OTUD7A: variants seen among roughly 807,000 people sequenced by gnomAD.
OTUD7A encodes the protein OTU deubiquitinase 7A.
Under a neutral mutation model 65.7 loss-of-function variants are expected in OTUD7A, and 12 were observed. The observed-to-expected ratio is 0.18, with a 90% CI of 0.12 to 0.30. The LOEUF is 0.30. Among genes scored for constraint, OTUD7A ranks in the 10% least tolerant of loss-of-function variants. OTUD7A has a pLI of 1.00. For synonymous variants in OTUD7A, 641 were observed against 586.3 expected, an observed-to-expected ratio of 1.09 and a Z score of -1.35; for missense variants, 1,148 against 1,304.8, an observed-to-expected ratio of 0.88 and a Z score of 1.85.
At chr15:31,792,862 C>G (rs537937410) in intron 1 of OTUD7A, among the ~76,000 whole-genome samples, 2 of 152,296 alleles carry the variant, frequency 1.3e-5, no homozygotes, top group East Asian at 3.9e-4. Flanking sequence ...TCTGTGCAGA[C>G]CCCAGGGTGG....
At chr15:31,711,921 G>T (rs1893456878) in intron 1 of OTUD7A, among the ~76,000 whole-genome samples, 1 of 151,888 alleles carries the variant, frequency 6.6e-6, no homozygotes, top group South Asian at 2.1e-4. Context: ...TGCTTCCTTG[G>T]CAGATGGCGG....
intron 3 of OTUD7A, among the ~76,000 whole-genome samples, chr15:31,638,526 T>C (rs1208838032): frequency 5.9e-5 from 9 of 151,324 alleles, no homozygotes; most frequent in Non-Finnish European, 1.2e-4. Context: ...ACGACAGGCA[T>C]GCACCACCAA....
chr15:31,783,321 G>A (rs961784181), intron 1 of OTUD7A, among the ~76,000 whole-genome samples: 1 of 152,166 alleles, frequency 6.6e-6, no homozygotes, highest in African/African-American at 2.4e-5. Flanking sequence ...ATGTCATGCA[G>A]GAATCCCAAA....
intron 3 of OTUD7A, among the ~76,000 whole-genome samples, chr15:31,638,779 A>T (rs35257316): frequency 0.18 from 27,033 of 151,988 alleles, 2,612 homozygotes; most frequent in East Asian, 0.25. Context: ...TCTGGAACTG[A>T]ATCTGCAATA....
chr15:31,702,688 A>G (rs1455135835), intron 1 of OTUD7A, among the ~76,000 whole-genome samples: 1 of 152,132 alleles, frequency 6.6e-6, no homozygotes, highest in Non-Finnish European at 1.5e-5. Context: ...AAATTGATGT[A>G]TAAATTGACA....
rs769850638 is a variant in OTUD7A at position 31,483,985 on chromosome 15, C to T, written c.2111G>A (p.Arg704Lys). ...GACCGGCACGCCCTCCGTCTCCGGT[C>T]TGCGCGGCGGCCGCTTGGCCGTGGC... ...AAATAKRPPR[R>K]PETEGVPVPE... The change falls in exon 13 of 13, where the codon AGA (arginine) becomes AAA (lysine). Residue 704 changes from arginine (R) to lysine (K), a missense_variant. Physicochemically the swap from Arg to Lys is conservative, Grantham distance 26 (BLOSUM62 2). Around this residue, in one of 6 missense-constraint regions of OTUD7A, gnomAD observed 842 missense variants for 769.5 expected, o/e 1.09. Coordinates refer to ENST00000307050, the MANE Select transcript of OTUD7A (RefSeq NM_001382637.1). 8.8e-7 allele frequency: 1 copy of T among 1,137,588 alleles called. No homozygotes were observed. The highest frequency in any genetic ancestry group is 5.4e-5 in the East Asian group (1 of 18,384). The allele number at this position is 1,137,588 out of a possible 1,614,324, so 70.5% of individuals were successfully genotyped here.
At chr15:31,820,296 C>T (rs960092531) in intron 1 of OTUD7A, among the ~76,000 whole-genome samples, 2 of 152,210 alleles carry the variant, frequency 1.3e-5, no homozygotes, top group Non-Finnish European at 2.9e-5. Context: ...CTTAAACAAT[C>T]ACCCACACAC....
intron 1 of OTUD7A, among the ~76,000 whole-genome samples, chr15:31,861,467 C>G (rs773305528): frequency 2.0e-5 from 3 of 152,176 alleles, no homozygotes; most frequent in Admixed American, 6.5e-5. Context: ...GAACATACTG[C>G]TTGCCAGATT....
At chr15:31,709,386 T>C (rs1009965821) in intron 1 of OTUD7A, among the ~76,000 whole-genome samples, 2 of 152,082 alleles carry the variant, frequency 1.3e-5, no homozygotes, top group Non-Finnish European at 2.9e-5. Flanking sequence ...AGCAGCATTC[T>C]CTGGACACCA....
At chr15:31,813,069 C>A (rs73380558) in intron 1 of OTUD7A, among the ~76,000 whole-genome samples, 3,958 of 152,276 alleles carry the variant, frequency 0.026, 167 homozygotes, top group African/African-American at 0.091. Context: ...AGCAAGACAC[C>A]TGATGCGGCA....
intron 1 of OTUD7A, among the ~76,000 whole-genome samples, chr15:31,672,601 G>C (rs969555163): frequency 6.6e-6 from 1 of 152,190 alleles, no homozygotes; most frequent in Non-Finnish European, 1.5e-5. Flanking sequence ...CAGTGGCAGA[G>C]TAAGGATTCC....
chr15:31,506,693 G>T (rs1184802283), intron 8 of OTUD7A, among the ~76,000 whole-genome samples: 6 of 152,120 alleles, frequency 3.9e-5, no homozygotes, highest in Non-Finnish European at 7.4e-5. Context: ...TTTGGAAAAA[G>T]CATTTTTTAA....
Position 31,507,354 on chromosome 15 carries a change from G to GT in OTUD7A, c.894-3537dup, listed in dbSNP as rs565913667. ...TAGATGAAGGGTTTTAGATCTGTATGTTTTTTTTGTGTGTGTGTGGAAGTT... is the reference window on the plus strand; with the variant it reads ...TAGATGAAGGGTTTTAGATCTGTATGTTTTTTTTTGTGTGTGTGTGGAAGTT... On this transcript the variant is annotated intron_variant, in intron 8 of 12. Transcript: ENST00000307050. Among the ~76,000 whole-genome samples the GT allele has an allele frequency of 5.3e-5, 8 of 151,848 alleles. No individual in the cohort carries two copies. In the South Asian group the frequency reaches 6.3e-4, roughly 12 times the overall value.
intron 5 of OTUD7A, among the ~76,000 whole-genome samples, chr15:31,554,794 C>A (rs541133569): frequency 6.6e-6 from 1 of 152,332 alleles, no homozygotes; most frequent in Non-Finnish European, 1.5e-5. Context: ...GTAAATGCAG[C>A]AGGATCAGCT....
At chr15:31,729,806 T>C (rs1376745120) in intron 1 of OTUD7A, among the ~76,000 whole-genome samples, 1 of 152,178 alleles carries the variant, frequency 6.6e-6, no homozygotes, top group Non-Finnish European at 1.5e-5. Context: ...GTCAGATTTC[T>C]TAACCTTCCT....
At chr15:31,486,997 G>T (rs2041246955) in intron 12 of OTUD7A, among the ~76,000 whole-genome samples, 197 bp downstream of exon 12, 1 of 152,282 alleles carries the variant, frequency 6.6e-6, no homozygotes, top group Middle Eastern at 3.4e-3. Flanking sequence ...AGCCAGGGTG[G>T]CCCCAGCTGC....
Position 31,748,773 on chromosome 15 carries a change from A to C in OTUD7A, c.-99-91696T>G, listed in dbSNP as rs116944780. Reference sequence around the variant, plus strand: ...ATGGCCATTAAAAACATGCACAAGAATATTCATAGCAATGTTATAATAGCA... The same window carrying C: ...ATGGCCATTAAAAACATGCACAAGACTATTCATAGCAATGTTATAATAGCA... On this transcript the variant is annotated intron_variant, in intron 1 of 12. Coordinates refer to ENST00000307050, the MANE Select transcript of OTUD7A (RefSeq NM_001382637.1). 3.1e-3 allele frequency among the ~76,000 whole-genome samples: 470 copies of C among 152,308 alleles called. 4 individuals are homozygous for C. Among genetic ancestry groups the C allele is most frequent in the Non-Finnish European group, 5.5e-3 (373 of 68,008 alleles).
At chr15:31,586,320 A>G (rs558609085) in intron 3 of OTUD7A, among the ~76,000 whole-genome samples, 66 of 152,344 alleles carry the variant, frequency 4.3e-4, no homozygotes, top group African/African-American at 1.4e-3. Flanking sequence ...TTCCATACAT[A>G]CAGTGTGAAT....
Position 31,484,690 on chromosome 15 carries a change from G to C in OTUD7A, c.1406C>G (p.Ser469Trp). ...CAGGGACTGCACGTCCTCCCCTGCC[G>C]AGGCCGTGGGAGACTCCGGCTGTGC... ...PLAQPESPTASAGEDVQSLAD... is the reference protein window; with the variant it reads ...PLAQPESPTAWAGEDVQSLAD... The change falls in exon 13 of 13, where the codon TCG becomes TGG. Residue 469 changes from serine (S) to tryptophan (W), a missense_variant. Ser to Trp is a radical substitution (Grantham distance 177). Around this residue, in one of 6 missense-constraint regions of OTUD7A, gnomAD observed 842 missense variants for 769.5 expected, o/e 1.09. Transcript: ENST00000307050. This position sits in a 1 kb window ranked among gnomAD's most constrained non-coding sequence, Gnocchi z 4.5. 1 of 1,583,862 alleles carries C rather than the reference G, an allele frequency of 6.3e-7. No homozygotes were observed.
Sources: gnomAD v4.1 joint callset for allele counts (sites outside exome capture counted in the v4.1 genomes callset) on GRCh38, gnomAD v4.1.1 for gene constraint, gnomAD v4.1.1 regional missense constraint, Gnocchi (gnomAD v3.1) non-coding constraint, MANE v1.5 for transcripts, NCBI Gene and HGNC (gene_info 2026-07-23, HGNC 2026-07-21) for gene names.